Variants in ZFAT observed in about 807,000 individuals in gnomAD.
The protein encoded by ZFAT is zinc finger and AT-hook domain containing, also known as zinc finger protein ZFAT.
Under a neutral mutation model 117.7 loss-of-function variants are expected in ZFAT, and 64 were observed. The observed-to-expected ratio is 0.54, with a 90% CI of 0.44 to 0.67. The LOEUF is 0.67. ZFAT is among the 30% of genes least tolerant of loss of function. The pLI is 0.00. For synonymous variants in ZFAT, 679 were observed against 615.0 expected, an observed-to-expected ratio of 1.10 and a Z score of -1.54; for missense variants, 1,433 against 1,584.5, an observed-to-expected ratio of 0.90 and a Z score of 1.62.
chr8:134,712,815 C>CCG, intron 1 of ZFAT, 30 bp downstream of exon 1: 66 of 1,127,926 alleles, frequency 5.9e-5, no homozygotes, highest in Middle Eastern at 3.0e-4. Flanking sequence ...ACCCCCACCC[C>CCG]GTCTCACCCC....
chr8:134,627,498 C>A (rs1478609123), intron 3 of ZFAT, among the ~76,000 whole-genome samples: 1 of 152,010 alleles, frequency 6.6e-6, no homozygotes, highest in African/African-American at 2.4e-5. Context: ...AGCAGGAGAG[C>A]AGGAGGAAAA....
intron 1 of ZFAT, among the ~76,000 whole-genome samples, chr8:134,702,094 T>A (rs1388029687): frequency 1.3e-5 from 2 of 152,204 alleles, no homozygotes; most frequent in Non-Finnish European, 2.9e-5. Flanking sequence ...CTGTGCCACC[T>A]TGGGACTCTT....
the ZFAT span, among the ~76,000 whole-genome samples, chr8:134,739,729 T>C: frequency 6.6e-6 from 1 of 152,194 alleles, no homozygotes; most frequent in Admixed American, 6.5e-5. Flanking sequence ...GTGATGGGCA[T>C]GGAACAGAAA....
chr8:134,481,249 T>G (rs1817283288), intron 15 of ZFAT, among the ~76,000 whole-genome samples: 1 of 152,174 alleles, frequency 6.6e-6, no homozygotes, highest in African/African-American at 2.4e-5. Context: ...CAGCTAATCT[T>G]TTCTCCTCTT....
At chr8:134,531,552 C>T (rs1821408768) in intron 12 of ZFAT, among the ~76,000 whole-genome samples, 1 of 152,214 alleles carries the variant, frequency 6.6e-6, no homozygotes, top group African/African-American at 2.4e-5. Context: ...CTGCTGTGAA[C>T]TCCATTCTAC....
intron 15 of ZFAT, among the ~76,000 whole-genome samples, chr8:134,505,123 G>C (rs945664639): frequency 6.6e-6 from 1 of 152,178 alleles, no homozygotes; most frequent in African/African-American, 2.4e-5. Context: ...TGTACTTTTT[G>C]CCTCTAACGT....
chr8:134,566,971 T>C (rs1455802540), intron 10 of ZFAT, among the ~76,000 whole-genome samples: 1 of 152,222 alleles, frequency 6.6e-6, no homozygotes, highest in Non-Finnish European at 1.5e-5. Context: ...TGTTCCACAG[T>C]GTTCCAGCCC....
intron 15 of ZFAT, among the ~76,000 whole-genome samples, chr8:134,493,322 G>A (rs992684544): frequency 1.3e-5 from 2 of 152,148 alleles, no homozygotes; most frequent in African/African-American, 2.4e-5. Context: ...TGAGGGGAAC[G>A]GGAAGGGCCA....
intron 5 of ZFAT, among the ~76,000 whole-genome samples, chr8:134,604,015 C>A (rs1352806904): frequency 1.3e-5 from 2 of 152,138 alleles, no homozygotes; most frequent in East Asian, 3.9e-4. Context: ...TTAACACCTG[C>A]CAATGTGTTT....
At chr8:134,713,224 G>C (rs1197772225), upstream of ZFAT, among the ~76,000 whole-genome samples, 1 of 152,194 alleles carries the variant, frequency 6.6e-6, no homozygotes, top group Admixed American at 6.5e-5. Context: ...CCAGGGAGGG[G>C]CCCTCGGGAG....
the ZFAT span, among the ~76,000 whole-genome samples, chr8:134,749,970 C>A: frequency 2.5e-3 from 380 of 152,270 alleles, no homozygotes; most frequent in African/African-American, 8.9e-3. Context: ...ACAAATCCTT[C>A]TACATTTTTC....
chr8:134,802,382 A>G, the ZFAT span, among the ~76,000 whole-genome samples: 1 of 152,200 alleles, frequency 6.6e-6, no homozygotes, highest in Admixed American at 6.5e-5. Flanking sequence ...ATCACAGAAC[A>G]TGCTCGACGC....
At chr8:134,527,248 T>C (rs1821090890) in intron 12 of ZFAT, among the ~76,000 whole-genome samples, 1 of 152,234 alleles carries the variant, frequency 6.6e-6, no homozygotes, top group African/African-American at 2.4e-5. Context: ...AAGGAATATT[T>C]GTTAGCACTT....
the ZFAT span, among the ~76,000 whole-genome samples, chr8:134,824,087 G>A: frequency 6.6e-6 from 1 of 152,190 alleles, no homozygotes; most frequent in African/African-American, 2.4e-5. Flanking sequence ...TGCTCTCAAG[G>A]GAGGCCACGG....
At chr8:134,610,911 TTCTTG>T (rs1276939652) in intron 3 of ZFAT, among the ~76,000 whole-genome samples, 3 of 152,236 alleles carry the variant, frequency 2.0e-5, no homozygotes, top group African/African-American at 4.8e-5. Context: ...CAGACATAGT[TTCTTG>T]TCTTGTCTTG....
At chr8:134,485,139 G>C (rs576184655) in intron 15 of ZFAT, among the ~76,000 whole-genome samples, 1 of 152,306 alleles carries the variant, frequency 6.6e-6, no homozygotes, top group South Asian at 2.1e-4. Flanking sequence ...CCTAGCTTTA[G>C]AGAAGAGGCA....
rs1039217558 is a variant in ZFAT at position 134,514,087 on chromosome 8, C to T, written c.3235-1486G>A. Among the ~76,000 whole-genome samples, 7 of 152,204 alleles carry T rather than the reference C, an allele frequency of 4.6e-5. No homozygotes were observed. In the South Asian group the frequency reaches 1.4e-3, roughly 32 times the overall value. ...AGGAAGGCTGGTACTCGTTGCAAGGCATTCCTGGGAGCCAGGTGACACACA... is the reference window on the plus strand; with the variant it reads ...AGGAAGGCTGGTACTCGTTGCAAGGTATTCCTGGGAGCCAGGTGACACACA... On this transcript the variant is annotated intron_variant, in intron 13 of 15. Coordinates refer to ENST00000377838, the MANE Select transcript of ZFAT (RefSeq NM_020863.4).
chr8:134,638,062 G>T (rs747754729), intron 2 of ZFAT, among the ~76,000 whole-genome samples: 2 of 152,160 alleles, frequency 1.3e-5, no homozygotes, highest in Non-Finnish European at 2.9e-5. Flanking sequence ...CTGAAATCCA[G>T]TTCTCAGAAA....
chr8:134,574,795 A>C (rs1005486533), intron 10 of ZFAT, among the ~76,000 whole-genome samples: 2 of 152,234 alleles, frequency 1.3e-5, no homozygotes, highest in African/African-American at 4.8e-5. Context: ...GAGGCATAAA[A>C]GTAAAAATGC....
Sources: allele counts gnomAD v4.1 joint callset (sites outside exome capture counted in the v4.1 genomes callset), GRCh38; gene constraint gnomAD v4.1.1; transcripts MANE v1.5; gene names NCBI Gene and HGNC (gene_info 2026-07-23, HGNC 2026-07-21).